The following FAM20C variants were observed in gnomAD, a reference collection of about 807,000 sequenced individuals.
FAM20C encodes the protein extracellular serine/threonine protein kinase FAM20C.
FAM20C carries 40 observed loss-of-function variants against 51.5 expected under a neutral mutation model. The ratio of observed to expected loss-of-function variants is 0.78; its 90% CI spans 0.60 to 1.01. FAM20C has a LOEUF of 1.01. Ranked by LOEUF, FAM20C falls within the 50% of genes least tolerant of loss-of-function variation. FAM20C has a pLI of 0.00. For missense variants in FAM20C, 861 were observed against 844.7 expected, an observed-to-expected ratio of 1.02 and a Z score of -0.24; for synonymous variants, 406 against 380.6, an observed-to-expected ratio of 1.07 and a Z score of -0.78.
Position 250,887 on chromosome 7 carries a change from G to C in FAM20C, c.1072+2457G>C, listed in dbSNP as rs145932192. 5.8e-3 allele frequency among the ~76,000 whole-genome samples: 884 copies of C among 152,296 alleles called. 5 individuals carry two copies. Among genetic ancestry groups the C allele is most frequent in the African/African-American group, 0.02 (843 of 41,562 alleles). ...AAAGACTGACATTCCCCATCCTCAGGTGCCAGCGCCCCATGCAGTGACTGT... is the reference window on the plus strand; with the variant it reads ...AAAGACTGACATTCCCCATCCTCAGCTGCCAGCGCCCCATGCAGTGACTGT... On this transcript the variant is annotated intron_variant, in intron 5 of 9. Coordinates refer to ENST00000313766, the MANE Select transcript of FAM20C (RefSeq NM_020223.4).
At chr7:255,806 A>G in intron 5 of FAM20C, 43 bp from the exon 6 acceptor site, 1 of 1,534,600 alleles carries the variant, frequency 6.5e-7, no homozygotes, top group East Asian at 2.4e-5. Flanking sequence ...GTGAGGACGC[A>G]GCCCTGTGCG....
chr7:203,774 A>G (rs2115055294), intron 2 of FAM20C, among the ~76,000 whole-genome samples: 1 of 152,314 alleles, frequency 6.6e-6, no homozygotes. Flanking sequence ...CAGACGAAGA[A>G]GGACTGAACT....
chr7:257,745 TG>T, intron 8 of FAM20C, among the ~76,000 whole-genome samples: 1 of 93,478 alleles, frequency 1.1e-5, no homozygotes, highest in East Asian at 2.8e-4. Flanking sequence ...ACCCACTGCC[TG>T]GGGTGCTGGA....
chr7:212,167 T>C lies in FAM20C; in HGVS notation c.863+3191T>C, dbSNP rs140961124. 4.2e-4 allele frequency among the ~76,000 whole-genome samples: 64 copies of C among 152,358 alleles called. 1 individual carries two copies. The East Asian group carries it at 0.012, about 29-fold the overall frequency. Reference sequence around the variant, plus strand: ...TTAATGAGTTAAAATCCATGATTAATAGTTCTCTTTAAAGGCCGGGCACAC... The same window carrying C: ...TTAATGAGTTAAAATCCATGATTAACAGTTCTCTTTAAAGGCCGGGCACAC... On this transcript the variant is annotated intron_variant, in intron 3 of 9. Transcript: ENST00000313766.
intron 2 of FAM20C, among the ~76,000 whole-genome samples, chr7:202,281 G>T (rs1453291654): frequency 1.3e-5 from 2 of 151,010 alleles, no homozygotes; most frequent in Non-Finnish European, 2.9e-5. Flanking sequence ...TGGCTGCTGG[G>T]TGGGATTGTA....
At chr7:207,445 A>C (rs28436118) in intron 2 of FAM20C, among the ~76,000 whole-genome samples, 5 of 104,842 alleles carry the variant, frequency 4.8e-5, no homozygotes, top group Non-Finnish European at 2.2e-5. Context: ...CTGCTGGGTC[A>C]TGCCGTCCTC....
chr7:195,828 C>T, intron 2 of FAM20C, 96 bp downstream of exon 2: 9 of 1,235,128 alleles, frequency 7.3e-6, no homozygotes, highest in Non-Finnish European at 4.2e-6. Context: ...GTCTGGGAGG[C>T]CGTTGCTCAT....
chr7:198,149 G>T (rs34426530), intron 2 of FAM20C, among the ~76,000 whole-genome samples: 1 of 152,122 alleles, frequency 6.6e-6, no homozygotes, highest in African/African-American at 2.4e-5. Context: ...GTGGGGACCC[G>T]TCCAAGGACA....
intron 3 of FAM20C, among the ~76,000 whole-genome samples, chr7:232,962 T>C (rs1359013730): frequency 1.3e-5 from 2 of 152,304 alleles, no homozygotes; most frequent in East Asian, 3.9e-4. Context: ...GGGGCCCAGA[T>C]CCGGGAGGAA....
At position 258,306 on chromosome 7, in the gene FAM20C, G is replaced by GGGGT. The variant is rs1562401843; in HGVS notation, c.1446-338_1446-337insGTGG. Among the ~76,000 whole-genome samples, 22 of 37,556 alleles carry GGGGT rather than the reference G, an allele frequency of 5.9e-4. 2 individuals carry two copies. The highest frequency in any genetic ancestry group is 1.1e-3 in the Non-Finnish European group (21 of 18,774). 24.6% of individuals were successfully genotyped at this position (37,556 alleles called of 152,430 possible). Reference sequence around the variant, plus strand: ...ACTGCCTGGGGTGCTGGAGATGGGTGGGATGGACCCACTGCCCGGGGTGCT... The same window carrying GGGGT: ...ACTGCCTGGGGTGCTGGAGATGGGTGGGGTGGATGGACCCACTGCCCGGGGTGCT... On this transcript the variant is annotated intron_variant, in intron 8 of 9. Transcript: ENST00000313766.
Position 193,649 on chromosome 7 carries a change from G to A in FAM20C, c.450G>A (p.Ser150=). The A allele has an allele frequency of 6.5e-7, 1 of 1,538,648 alleles. No individual in the cohort carries two copies. Among genetic ancestry groups the A allele is most frequent in the Non-Finnish European group, 8.8e-7 (1 of 1,142,568 alleles). Residue 150 remains serine (S), a synonymous_variant, in exon 1 of 10, where the codon TCG becomes TCA. Transcript: ENST00000313766. ...LRDPGPRRSE[S]PPGPGGDASL... The stretch of plus-strand genomic sequence containing the variant: ...ACCCCGGCCCGCGTCGGTCCGAGTC[G>A]CCCCCCGGCCCCGGCGGAGACGCCT...
intron 3 of FAM20C, among the ~76,000 whole-genome samples, chr7:227,199 G>T (rs1293264382): frequency 6.6e-6 from 1 of 151,900 alleles, no homozygotes; most frequent in Non-Finnish European, 1.5e-5. Context: ...TATGACGGTC[G>T]CCGGGGTGCC....
chr7:193,546 C>A lies in FAM20C; in HGVS notation c.347C>A (p.Pro116Gln). 2 of 1,494,606 alleles carry A rather than the reference C, an allele frequency of 1.3e-6. No homozygotes were observed. Among genetic ancestry groups the A allele is most frequent in the Non-Finnish European group, 1.8e-6 (2 of 1,119,050 alleles). The allele number at this position is 1,494,606 out of a possible 1,614,324, so 92.6% of individuals were successfully genotyped here. ...SLEKLPPAAE[P>Q]AERALRGRDP... is the part of the protein sequence containing the mutation. ...GAGAAACTGCCGCCCGCGGCCGAGC[C>A]GGCCGAGCGCGCCTTGCGGGGGCGG... The change falls in exon 1 of 10, where the codon CCG becomes CAG. Residue 116 changes from proline (P) to glutamine (Q), a missense_variant. Physicochemically the swap from Pro to Gln is moderately conservative, Grantham distance 76. Transcript: ENST00000313766.
chr7:229,162 C>G, intron 3 of FAM20C: 1 of 286,630 alleles, frequency 3.5e-6, no homozygotes, highest in Non-Finnish European at 7.0e-6. Context: ...TCAGCACCTC[C>G]GGGTTTGTGT....
At chr7:248,099 C>A (rs1384639212) in intron 4 of FAM20C, among the ~76,000 whole-genome samples, 2 of 152,178 alleles carry the variant, frequency 1.3e-5, no homozygotes, top group African/African-American at 4.8e-5. Context: ...CATCGCCAGC[C>A]CCAGTCCCTC....
intron 2 of FAM20C, among the ~76,000 whole-genome samples, chr7:198,242 C>T (rs1470152766): frequency 6.6e-6 from 1 of 152,216 alleles, no homozygotes; most frequent in African/African-American, 2.4e-5. Flanking sequence ...CCAGGCAGGA[C>T]AGCAGGCTCT....
intron 3 of FAM20C, among the ~76,000 whole-genome samples, chr7:216,605 CTGTGTGTGTGTGTATGAGTG>C: frequency 6.9e-6 from 1 of 144,824 alleles, no homozygotes; most frequent in South Asian, 2.2e-4. Flanking sequence ...CTGGGAGTTT[CTGTGTGTGTGTGTATGAGTG>C]TGTGTGAGTG....
intron 5 of FAM20C, among the ~76,000 whole-genome samples, chr7:249,196 AC>A (rs1453465754): frequency 1.3e-5 from 2 of 152,110 alleles, no homozygotes; most frequent in Non-Finnish European, 2.9e-5. Flanking sequence ...ACTCAGCAGG[AC>A]CCCCGTTGTA....
At chr7:200,222 C>G (rs546930090) in intron 2 of FAM20C, among the ~76,000 whole-genome samples, 1 of 151,140 alleles carries the variant, frequency 6.6e-6, no homozygotes, top group African/African-American at 2.4e-5. Context: ...TGTTCCCCCT[C>G]CCACCCACCC....
Sources: allele counts gnomAD v4.1 joint callset (sites outside exome capture counted in the v4.1 genomes callset), GRCh38; gene constraint gnomAD v4.1.1; transcripts MANE v1.5; gene names NCBI Gene and HGNC (gene_info 2026-07-23, HGNC 2026-07-21).